The following EPHX2 variants were observed in gnomAD, a reference collection of about 807,000 sequenced individuals.
EPHX2 encodes epoxide hydrolase 2.
A neutral mutation model predicts 78.7 loss-of-function variants in EPHX2; 74 were observed. That is an observed-to-expected ratio of 0.94 (90% CI 0.78 to 1.14). The LOEUF (loss-of-function observed/expected upper bound fraction) is 1.14. Ranked by LOEUF, EPHX2 falls within the 50% of genes most tolerant of loss-of-function variation. The pLI, the probability that EPHX2 is intolerant of heterozygous loss-of-function variation, is 0.00. For missense variants in EPHX2, 715 were observed against 702.5 expected (o/e 1.02, Z -0.20); for synonymous variants, 251 against 255.2 (o/e 0.98, Z 0.16).
chr8:27,499,201 C>T (rs1813678048), intron 1 of EPHX2, among the ~76,000 whole-genome samples: 1 of 152,154 alleles, frequency 6.6e-6, no homozygotes, highest in Non-Finnish European at 1.5e-5. Context: ...AAGGTGGAGC[C>T]CTCATGACCC....
chr8:27,526,508 T>G (rs567599556), intron 12 of EPHX2, among the ~76,000 whole-genome samples: 3 of 152,188 alleles, frequency 2.0e-5, no homozygotes, highest in Non-Finnish European at 2.9e-5. Flanking sequence ...ATAGTCTCGA[T>G]GGTGAGACTA....
chr8:27,499,343 AAACC>A (rs1813684492), intron 1 of EPHX2, among the ~76,000 whole-genome samples: 1 of 152,238 alleles, frequency 6.6e-6, no homozygotes, highest in African/African-American at 2.4e-5. Context: ...GCTGTTTAAA[AAACC>A]AACAACTGTT....
At chr8:27,543,713 A>G (rs575595464) in intron 16 of EPHX2, 36 bp from the exon 17 acceptor site, 1 of 1,609,052 alleles carries the variant, frequency 6.2e-7, no homozygotes, top group South Asian at 1.1e-5. Flanking sequence ...TCCTTTGTGG[A>G]GTGCTGGCCA....
intron 12 of EPHX2, among the ~76,000 whole-genome samples, chr8:27,527,399 G>A (rs1056331486): frequency 1.5e-4 from 23 of 152,182 alleles, no homozygotes; most frequent in Non-Finnish European, 3.4e-4. Flanking sequence ...CACATGTAAT[G>A]TAAAATTGAC....
At chr8:27,533,295 T>G (rs1052183571) in intron 12 of EPHX2, among the ~76,000 whole-genome samples, 1 of 152,206 alleles carries the variant, frequency 6.6e-6, no homozygotes, top group African/African-American at 2.4e-5. Flanking sequence ...TGTCAGTACT[T>G]GGGCTTGAAA....
At chr8:27,510,284 C>G (rs993200055) in intron 5 of EPHX2, among the ~76,000 whole-genome samples, 1 of 152,206 alleles carries the variant, frequency 6.6e-6, no homozygotes. Context: ...ACAGCGTGTC[C>G]AGCAGCAGAG....
intron 6 of EPHX2, among the ~76,000 whole-genome samples, chr8:27,513,137 C>T (rs1201071057): frequency 6.6e-6 from 1 of 152,190 alleles, no homozygotes; most frequent in Non-Finnish European, 1.5e-5. Context: ...AGAATGGGAT[C>T]TGTGCTCAGA....
At chr8:27,539,657 C>T (rs1434669048) in intron 14 of EPHX2, among the ~76,000 whole-genome samples, 2 of 152,236 alleles carry the variant, frequency 1.3e-5, no homozygotes, top group Non-Finnish European at 2.9e-5. Context: ...GCATGCTCAG[C>T]TACCCAGACA....
rs753298983 is a variant in EPHX2, at chr8:27,506,937, C to T, written c.603C>T (p.Ile201=). ...CCCGTGACTTGGGAATGGTCACCAT[C>T]CTGGTCCAGGACACTGACACGGCCC... ...KPARDLGMVT[I]LVQDTDTALK... Residue 201 remains isoleucine, a synonymous_variant, in exon 5 of 19, where the codon ATC becomes ATT. Coordinates refer to ENST00000521400, the MANE Select transcript of EPHX2 (RefSeq NM_001979.6). 1.2e-6 allele frequency: 2 copies of T among 1,614,006 alleles called. No homozygotes were observed. Among genetic ancestry groups the T allele is most frequent in the African/African-American group, 2.7e-5 (2 of 75,032 alleles).
Position 27,538,955 on chromosome 8 carries a change from C to T in EPHX2, c.1276+263C>T, listed in dbSNP as rs1815302284. 6.1e-6 allele frequency: 3 copies of T among 494,342 alleles called. No individual in the cohort carries two copies. In the Admixed American group the frequency reaches 1.0e-4, roughly 17 times the overall value. The allele number at this position is 494,342 out of a possible 1,614,324, so 30.6% of individuals were successfully genotyped here. On this transcript the variant is annotated intron_variant, in intron 14 of 18. Coordinates refer to ENST00000521400, the MANE Select transcript of EPHX2 (RefSeq NM_001979.6). ...GAGGAGTCTTAGAGCTTGTCCAGGG[C>T]AAAATCCACCCTCTACTGATAAGGA...
At chr8:27,514,126 T>G (rs1189584163) in intron 6 of EPHX2, among the ~76,000 whole-genome samples, 1 of 152,018 alleles carries the variant, frequency 6.6e-6, no homozygotes, top group African/African-American at 2.4e-5. Context: ...GAGACCAGCC[T>G]GGGCAACATA....
chr8:27,516,326 G>T lies in EPHX2; in HGVS notation c.838G>T (p.Ala280Ser). ...GTGCCTGTTTGTTTTCTAGATCCCTGCTCTGGCCCAGGCAGGTTACCGGGT... is the reference window on the plus strand; with the variant it reads ...GTGCCTGTTTGTTTTCTAGATCCCTTCTCTGGCCCAGGCAGGTTACCGGGT... ...SWYSWRYQIP[A>S]LAQAGYRVLA... The change falls in exon 8 of 19, where the codon GCT (alanine) becomes TCT (serine). Residue 280 changes from alanine (A) to serine (S), a missense_variant. Ala to Ser is a moderately conservative substitution (Grantham distance 99). Transcript: ENST00000521400. 6.2e-7 allele frequency: 1 copy of T among 1,613,908 alleles called. No homozygotes were observed. The highest frequency in any genetic ancestry group is 8.5e-7 in the Non-Finnish European group (1 of 1,179,866).
At chr8:27,547,598 T>C (rs1470139289), downstream of EPHX2, among the ~76,000 whole-genome samples, 2 of 152,176 alleles carry the variant, frequency 1.3e-5, no homozygotes, top group African/African-American at 2.4e-5. Context: ...TTTAAAACAA[T>C]GTATCATTGT....
intron 1 of EPHX2, among the ~76,000 whole-genome samples, chr8:27,494,766 C>T (rs566170928): frequency 6.6e-6 from 1 of 152,334 alleles, no homozygotes; most frequent in South Asian, 2.1e-4. Flanking sequence ...TGAGTGTTCT[C>T]AATACCCATA....
intron 1 of EPHX2, among the ~76,000 whole-genome samples, chr8:27,498,858 A>C (rs1468047296): frequency 6.6e-6 from 1 of 152,248 alleles, no homozygotes; most frequent in Non-Finnish European, 1.5e-5. Flanking sequence ...GTCATACTAC[A>C]TGAATTTAAT....
At chr8:27,507,416 C>T (rs1814053705) in intron 5 of EPHX2, among the ~76,000 whole-genome samples, 1 of 152,192 alleles carries the variant, frequency 6.6e-6, no homozygotes, top group South Asian at 2.1e-4. Context: ...TTAAGAAAAG[C>T]CTGTCCGTCC....
At chr8:27,506,096 G>A (rs115874533) in intron 4 of EPHX2, among the ~76,000 whole-genome samples, 1 of 152,004 alleles carries the variant, frequency 6.6e-6, no homozygotes, top group African/African-American at 2.4e-5. Context: ...TCAAGTGATC[G>A]TCCTGCCTCA....
At chr8:27,501,389 T>TCTTC (rs1554519564) in intron 2 of EPHX2, among the ~76,000 whole-genome samples, 1,593 of 137,474 alleles carry the variant, frequency 0.012, 40 homozygotes, top group African/African-American at 0.017. Flanking sequence ...TTCTTCTTCT[T>TCTTC]CTTCTTTCTT....
chr8:27,521,142 A>T (rs1247658394), intron 10 of EPHX2, among the ~76,000 whole-genome samples: 3 of 152,208 alleles, frequency 2.0e-5, no homozygotes, highest in African/African-American at 4.8e-5. Flanking sequence ...AATGAAAGGC[A>T]GGTTCCAGGG....
Sources: gnomAD v4.1 joint callset for allele counts (sites outside exome capture counted in the v4.1 genomes callset) on GRCh38, gnomAD v4.1.1 for gene constraint, MANE v1.5 for transcripts, NCBI Gene and HGNC (gene_info 2026-07-23, HGNC 2026-07-21) for gene names.